The following TFDP2 variants were observed in gnomAD, a reference collection of about 807,000 sequenced individuals.
TFDP2 encodes the protein transcription factor Dp-2, also known as transcription factor Dp-2 (E2F dimerization partner 2).
A neutral mutation model predicts 59.3 loss-of-function variants in TFDP2; 17 were observed. The observed-to-expected ratio is 0.29, with a 90% CI of 0.20 to 0.43. The LOEUF (loss-of-function observed/expected upper bound fraction) is 0.43, where lower values mean the gene tolerates loss of function less well. Ranked by LOEUF, TFDP2 falls within the 20% of genes least tolerant of loss-of-function variation. TFDP2 has a pLI of 1.00. For missense variants in TFDP2, 391 were observed against 528.8 expected (o/e 0.74, Z 2.56); for synonymous variants, 180 against 194.7 (o/e 0.92, Z 0.63).
rs756876713 is a variant in TFDP2, at chr3:142,072,306, C to A, written c.82+20755G>T. On this transcript the variant is annotated intron_variant, in intron 3 of 12. Coordinates refer to ENST00000489671, the MANE Select transcript of TFDP2 (RefSeq NM_001178139.2). ...TGTAGTTTAGAAAGATCAACTTGCT[C>A]AAGATCACACATTTGGCTGGGTGTA... Among the ~76,000 whole-genome samples, 24 of 152,300 alleles carry A rather than the reference C, an allele frequency of 1.6e-4. 1 individual carries two copies. Among genetic ancestry groups the A allele is most frequent in the Middle Eastern group, 6.8e-3 (2 of 294 alleles).
intron 6 of TFDP2, among the ~76,000 whole-genome samples, chr3:141,987,549 T>C (rs112220390): frequency 3.4e-5 from 5 of 149,168 alleles, no homozygotes; most frequent in African/African-American, 1.2e-4. Context: ...TCCCAAAGTG[T>C]TGGGATTACA....
intron 3 of TFDP2, among the ~76,000 whole-genome samples, chr3:142,006,117 A>G (rs1029832930): frequency 3.9e-5 from 6 of 152,238 alleles, no homozygotes; most frequent in Admixed American, 6.5e-5. Context: ...TGGGATCTGT[A>G]CCGTGTTTTC....
At chr3:141,990,371 T>C (rs1942628680) in intron 6 of TFDP2, among the ~76,000 whole-genome samples, 1 of 151,610 alleles carries the variant, frequency 6.6e-6, no homozygotes, top group Non-Finnish European at 1.5e-5. Flanking sequence ...GCCTCCCGGG[T>C]TCAAGCGATT....
At chr3:142,003,221 G>C (rs1225093588) in intron 4 of TFDP2, among the ~76,000 whole-genome samples, 1 of 151,946 alleles carries the variant, frequency 6.6e-6, no homozygotes, top group Non-Finnish European at 1.5e-5. Flanking sequence ...GGATGGTCTC[G>C]ATCTCCTGAC....
At chr3:142,036,232 T>C (rs1406882838) in intron 3 of TFDP2, among the ~76,000 whole-genome samples, 1 of 152,214 alleles carries the variant, frequency 6.6e-6, no homozygotes. Context: ...TAACTGTTTT[T>C]CTAGGCTCAT....
At chr3:142,087,977 G>A (rs1329866995) in intron 3 of TFDP2, among the ~76,000 whole-genome samples, 1 of 152,162 alleles carries the variant, frequency 6.6e-6, no homozygotes, top group East Asian at 1.9e-4. Flanking sequence ...TCTCCTTGCT[G>A]TTGTATCCTC....
intron 3 of TFDP2, among the ~76,000 whole-genome samples, chr3:142,039,732 A>C (rs1946866263): frequency 6.6e-6 from 1 of 152,128 alleles, no homozygotes; most frequent in Non-Finnish European, 1.5e-5. Flanking sequence ...CCATAAGCCT[A>C]GCACTGAGTA....
chr3:142,020,349 C>T (rs1945490524), intron 3 of TFDP2, among the ~76,000 whole-genome samples: 1 of 152,096 alleles, frequency 6.6e-6, no homozygotes, highest in Non-Finnish European at 1.5e-5. Flanking sequence ...GCCTGACCAA[C>T]ATGGTGAAAC....
At chr3:141,970,828 G>A (rs1014219783) in intron 8 of TFDP2, among the ~76,000 whole-genome samples, 3 of 152,104 alleles carry the variant, frequency 2.0e-5, no homozygotes, top group African/African-American at 7.2e-5. Flanking sequence ...TTGGGAGGCC[G>A]AGGGGGGAGA....
chr3:142,081,283 C>T (rs2060631437), intron 3 of TFDP2, among the ~76,000 whole-genome samples: 1 of 151,908 alleles, frequency 6.6e-6, no homozygotes, highest in Non-Finnish European at 1.5e-5. Flanking sequence ...GTACTTGAAA[C>T]AAATGATAAA....
At chr3:142,041,104 A>T (rs545374407) in intron 3 of TFDP2, among the ~76,000 whole-genome samples, 56 of 152,334 alleles carry the variant, frequency 3.7e-4, no homozygotes, top group African/African-American at 1.3e-3. Flanking sequence ...GTGAATTATC[A>T]ATCCTAAAGG....
intron 3 of TFDP2, among the ~76,000 whole-genome samples, chr3:142,039,396 T>G (rs1376970900): frequency 1.3e-5 from 2 of 152,184 alleles, no homozygotes; most frequent in Non-Finnish European, 2.9e-5. Flanking sequence ...GGGTTGTTGT[T>G]GTTGTTTTGA....
At chr3:142,065,340 G>A (rs1167818515) in intron 3 of TFDP2, among the ~76,000 whole-genome samples, 2 of 152,068 alleles carry the variant, frequency 1.3e-5, no homozygotes, top group East Asian at 3.9e-4. Context: ...TGTACTTTTT[G>A]TAGAAATGGG....
At chr3:142,007,672 T>C (rs575052789) in intron 3 of TFDP2, among the ~76,000 whole-genome samples, 1 of 152,290 alleles carries the variant, frequency 6.6e-6, no homozygotes, top group South Asian at 2.1e-4. Flanking sequence ...TTGGGCTTGT[T>C]TTCCTGCTAC....
chr3:141,972,813 G>T (rs1158721687), intron 8 of TFDP2, among the ~76,000 whole-genome samples: 1 of 152,038 alleles, frequency 6.6e-6, no homozygotes, highest in African/African-American at 2.4e-5. Flanking sequence ...TTAAGCACAA[G>T]GTAGATGTGA....
intron 6 of TFDP2, among the ~76,000 whole-genome samples, chr3:141,984,092 A>T (rs1941792973): frequency 6.6e-6 from 1 of 152,228 alleles, no homozygotes; most frequent in Non-Finnish European, 1.5e-5. Context: ...AAACAGATAA[A>T]ATGTGGTATA....
chr3:141,965,413 C>T (rs556961096), intron 9 of TFDP2, among the ~76,000 whole-genome samples: 5 of 151,660 alleles, frequency 3.3e-5, no homozygotes, highest in African/African-American at 1.2e-4. Flanking sequence ...GGGAAGTTCT[C>T]TTGAGCCTAG....
chr3:142,056,508 T>C (rs995703529), intron 3 of TFDP2, among the ~76,000 whole-genome samples: 2 of 152,008 alleles, frequency 1.3e-5, no homozygotes, highest in African/African-American at 4.8e-5. Flanking sequence ...CTAGTTAAAT[T>C]TGAATTTTAG....
At chr3:142,128,373 A>G (rs1308994263) in intron 1 of TFDP2, among the ~76,000 whole-genome samples, 1 of 152,192 alleles carries the variant, frequency 6.6e-6, no homozygotes, top group Non-Finnish European at 1.5e-5. Context: ...CTCTTCCCCA[A>G]ACCAGCTTCC....
Sources: allele counts gnomAD v4.1 joint callset (sites outside exome capture counted in the v4.1 genomes callset), GRCh38; gene constraint gnomAD v4.1.1; transcripts MANE v1.5; gene names NCBI Gene and HGNC (gene_info 2026-07-23, HGNC 2026-07-21).